Variants in SEL1L2 observed in about 807,000 individuals in gnomAD.
SEL1L2 encodes protein sel-1 homolog 2.
SEL1L2 carries 89 observed loss-of-function variants against 98.8 expected under a neutral mutation model. The ratio of observed to expected loss-of-function variants is 0.90; its 90% CI spans 0.76 to 1.07. The LOEUF (loss-of-function observed/expected upper bound fraction) is 1.07. SEL1L2 is among the 50% of genes least tolerant of loss of function. The pLI is 0.00. For synonymous variants in SEL1L2, 262 were observed against 278.5 expected, an observed-to-expected ratio of 0.94 and a Z score of 0.59; for missense variants, 788 against 812.0, an observed-to-expected ratio of 0.97 and a Z score of 0.36.
At chr20:13,943,721 A>AG (rs2049885817) in intron 2 of SEL1L2, among the ~76,000 whole-genome samples, 1 of 152,228 alleles carries the variant, frequency 6.6e-6, no homozygotes, top group Admixed American at 6.5e-5. Flanking sequence ...GAGTTAAGTA[A>AG]TGAGCAAGTT....
rs1569037887 is a variant in SEL1L2 at position 13,956,111 on chromosome 20, T to C, written c.79A>G (p.Asn27Asp). ...TIKTIKAEEH[N>D]KRQKERNVTT... Reference sequence around the variant, plus strand: ...ACATTTCTTTCCTTTTGTCTTTTATTATGTTCCTCTGCTTTGATAGCTGCA... The same window carrying C: ...ACATTTCTTTCCTTTTGTCTTTTATCATGTTCCTCTGCTTTGATAGCTGCA... Residue 27 changes from asparagine to aspartate, a missense_variant, in exon 2 of 20, where the codon AAT (asparagine) becomes GAT (aspartate). By Grantham distance (23) the Asn-to-Asp change is conservative (BLOSUM62 1). Transcript: ENST00000284951. 1 of 1,560,458 alleles carries C rather than the reference T, an allele frequency of 6.4e-7. No homozygotes were observed. The highest frequency in any genetic ancestry group is 2.3e-5 in the East Asian group (1 of 43,720).
In SEL1L2 at chr20:13,930,034, G is replaced by A. The variant is rs143835750; in HGVS notation, c.283+1569C>T. Among the ~76,000 whole-genome samples, 982 of 152,242 alleles carry A rather than the reference G, an allele frequency of 6.5e-3. 8 individuals carry two copies. The highest frequency in any genetic ancestry group is 0.021 in the African/African-American group (874 of 41,542). ...TCAAACTCCTGAGCTTAGGCAATCC[G>A]CCCACCTCAGCTTCCTGAAGCGCTT... On this transcript the variant is annotated intron_variant, in intron 3 of 19. Transcript: ENST00000284951.
intron 1 of SEL1L2, among the ~76,000 whole-genome samples, chr20:13,985,053 A>G (rs2052093843): frequency 6.6e-6 from 1 of 152,012 alleles, no homozygotes; most frequent in Non-Finnish European, 1.5e-5. Context: ...TATTCCTCCT[A>G]TTTAGCTATA....
rs2147812097 is a variant in SEL1L2 at position 13,865,249 on chromosome 20, G to A, written c.1571-8C>T. The A allele has an allele frequency of 4.3e-6, 7 of 1,612,922 alleles. No individual in the cohort carries two copies. Among genetic ancestry groups the A allele is most frequent in the South Asian group, 1.1e-5 (1 of 91,032 alleles). On this transcript the variant is annotated splice_polypyrimidine_tract_variant and splice_region_variant and intron_variant, in intron 16 of 19. Transcript: ENST00000284951. Reference sequence around the variant, plus strand: ...CAAGAATGTTAGCCTTTTCTAAAAAGAGGAGACATTCCATTAGGAAGGCTT... The same window carrying A: ...CAAGAATGTTAGCCTTTTCTAAAAAAAGGAGACATTCCATTAGGAAGGCTT...
In SEL1L2 at chr20:13,919,992, G is replaced by T. The variant is rs571138245; in HGVS notation, c.284-869C>A. On this transcript the variant is annotated intron_variant, in intron 3 of 19. Transcript: ENST00000284951. Reference sequence around the variant, plus strand: ...TCCTGTAATCCCAGCACTTTGGAAGGCCGAGGCAGGCGGATCACTTGAGGT... The same window carrying T: ...TCCTGTAATCCCAGCACTTTGGAAGTCCGAGGCAGGCGGATCACTTGAGGT... 2.4e-3 allele frequency among the ~76,000 whole-genome samples: 359 copies of T among 150,984 alleles called. 3 individuals are homozygous for T. The highest frequency in any genetic ancestry group is 6.8e-3 in the Middle Eastern group (2 of 294).
At chr20:13,913,625 C>T (rs1009850682) in intron 5 of SEL1L2, 157 bp downstream of exon 5, 2 of 560,332 alleles carry the variant, frequency 3.6e-6, no homozygotes, top group Non-Finnish European at 5.7e-6. Context: ...CTGCTGTACT[C>T]CTGCCCTGAC....
intron 2 of SEL1L2, among the ~76,000 whole-genome samples, chr20:13,954,280 T>C (rs1347495011): frequency 2.0e-5 from 3 of 152,166 alleles, no homozygotes; most frequent in Non-Finnish European, 4.4e-5. Context: ...GAGAGGGTGC[T>C]TTCAGCCAAA....
At chr20:13,888,799 C>G (rs1299075690) in intron 5 of SEL1L2, among the ~76,000 whole-genome samples, 3 of 110,882 alleles carry the variant, frequency 2.7e-5, no homozygotes, top group Non-Finnish European at 5.4e-5. Flanking sequence ...CCACCACGCC[C>G]CGCTATTTTT....
chr20:13,961,666 T>G (rs375732166), intron 1 of SEL1L2, among the ~76,000 whole-genome samples: 4 of 152,150 alleles, frequency 2.6e-5, no homozygotes, highest in Non-Finnish European at 5.9e-5. Context: ...GTCACAAACA[T>G]GGGCCATTTC....
intron 10 of SEL1L2, among the ~76,000 whole-genome samples, chr20:13,881,429 G>A (rs1464371344): frequency 6.6e-6 from 1 of 152,160 alleles, no homozygotes; most frequent in Non-Finnish European, 1.5e-5. Context: ...TTACAAATTT[G>A]ATATTATTCC....
At chr20:13,919,593 G>A (rs1394391315) in intron 3 of SEL1L2, among the ~76,000 whole-genome samples, 1 of 152,178 alleles carries the variant, frequency 6.6e-6, no homozygotes, top group Non-Finnish European at 1.5e-5. Context: ...GATGACCAGT[G>A]TGCACCTAGG....
rs1367514323 is a variant in SEL1L2 at position 13,920,569 on chromosome 20, TCA to T, written c.284-1448_284-1447del. Among the ~76,000 whole-genome samples the T allele has an allele frequency of 8.1e-5, 11 of 135,570 alleles. No individual in the cohort carries two copies. In the East Asian group the frequency reaches 1.9e-3, roughly 24 times the overall value. The allele number at this position is 135,570 out of a possible 152,430, so 88.9% of individuals were successfully genotyped here. Reference sequence around the variant, plus strand: ...CACACACACTATTTTTCTCTCTCTCTCACACACACTCTCACATACACACACAC... The same window carrying T: ...CACACACACTATTTTTCTCTCTCTCTCACACACTCTCACATACACACACAC... On this transcript the variant is annotated intron_variant, in intron 3 of 19. Transcript: ENST00000284951.
chr20:13,868,859 A>G (rs1159129786), intron 14 of SEL1L2, among the ~76,000 whole-genome samples: 4 of 151,992 alleles, frequency 2.6e-5, no homozygotes, highest in Non-Finnish European at 5.9e-5. Flanking sequence ...CGGCCTCCCA[A>G]AGTGCTAGGA....
intron 5 of SEL1L2, among the ~76,000 whole-genome samples, chr20:13,901,063 C>T (rs1395988942): frequency 4.9e-5 from 7 of 142,256 alleles, no homozygotes; most frequent in Admixed American, 7.2e-5. Flanking sequence ...TTTTCTTTTT[C>T]TTTCTTTCTT....
At chr20:13,948,662 A>G (rs541878577) in intron 2 of SEL1L2, among the ~76,000 whole-genome samples, 1 of 152,340 alleles carries the variant, frequency 6.6e-6, no homozygotes, top group East Asian at 1.9e-4. Flanking sequence ...AGAAGAAAAC[A>G]TAGGAGAAAA....
At chr20:13,925,941 T>C (rs912009072) in intron 3 of SEL1L2, among the ~76,000 whole-genome samples, 1 of 152,230 alleles carries the variant, frequency 6.6e-6, no homozygotes, top group African/African-American at 2.4e-5. Flanking sequence ...GAAAAACTTG[T>C]AGTAAATACT....
At chr20:13,993,704 T>G (rs141874550), upstream of SEL1L2, among the ~76,000 whole-genome samples, 1 of 152,188 alleles carries the variant, frequency 6.6e-6, no homozygotes, top group Non-Finnish European at 1.5e-5. Context: ...CTTTCACATT[T>G]CTACATAAGA....
chr20:13,927,877 A>G (rs2048967532), intron 3 of SEL1L2: 1 of 152,180 alleles, frequency 6.6e-6, no homozygotes, highest in Non-Finnish European at 1.5e-5. Context: ...CTACTTTCTT[A>G]ACTCCTAACT....
upstream of SEL1L2, among the ~76,000 whole-genome samples, chr20:13,993,306 G>A (rs2052573581): frequency 6.6e-6 from 1 of 152,182 alleles, no homozygotes; most frequent in Non-Finnish European, 1.5e-5. Context: ...GAGGTACCAG[G>A]GATGGTGCTT....
Sources: gnomAD v4.1 joint callset for allele counts (sites outside exome capture counted in the v4.1 genomes callset) on GRCh38, gnomAD v4.1.1 for gene constraint, MANE v1.5 for transcripts, NCBI Gene and HGNC (gene_info 2026-07-23, HGNC 2026-07-21) for gene names.